PIK3C2G: variants seen among roughly 807,000 people sequenced by gnomAD.
PIK3C2G encodes phosphatidylinositol 3-kinase C2 domain-containing subunit gamma.
A neutral mutation model predicts 181.1 loss-of-function variants in PIK3C2G; 168 were observed. That is an observed-to-expected ratio of 0.93 (90% CI 0.82 to 1.05). The LOEUF (loss-of-function observed/expected upper bound fraction) is 1.05, where lower values mean the gene tolerates loss of function less well. Ranked by LOEUF, PIK3C2G falls within the 50% of genes least tolerant of loss-of-function variation. PIK3C2G has a pLI of 0.00. For synonymous variants in PIK3C2G, 573 were observed against 592.2 expected (o/e 0.97, Z 0.47); for missense variants, 1,869 against 1,732.8 (o/e 1.08, Z -1.40).
intron 1 of PIK3C2G, among the ~76,000 whole-genome samples, chr12:18,266,010 A>T (rs974783360): frequency 1.1e-5 from 1 of 90,656 alleles, no homozygotes; most frequent in African/African-American, 4.2e-5. Context: ...GCGAGACTTC[A>T]TCTAAAAAAA....
intron 14 of PIK3C2G, among the ~76,000 whole-genome samples, chr12:18,385,441 G>C (rs1197243784): frequency 6.6e-6 from 1 of 152,142 alleles, no homozygotes; most frequent in Non-Finnish European, 1.5e-5. Flanking sequence ...CACTTAGCCT[G>C]GGTCTCCTTC....
chr12:18,554,797 T>C (rs1002972603), intron 26 of PIK3C2G, among the ~76,000 whole-genome samples: 2 of 152,118 alleles, frequency 1.3e-5, no homozygotes, highest in Admixed American at 6.6e-5. Flanking sequence ...CTACTGATTT[T>C]CTTTATGCGA....
chr12:18,447,779 TA>T (rs1947109642), intron 18 of PIK3C2G, among the ~76,000 whole-genome samples: 1 of 152,164 alleles, frequency 6.6e-6, no homozygotes, highest in African/African-American at 2.4e-5. Flanking sequence ...TTTAAAAGTA[TA>T]AAGGTGCAAC....
intron 29 of PIK3C2G, among the ~76,000 whole-genome samples, chr12:18,587,314 T>C (rs1235585889): frequency 6.6e-6 from 1 of 152,092 alleles, no homozygotes; most frequent in African/African-American, 2.4e-5. Flanking sequence ...AACCCCATTG[T>C]CTCAGCCCAA....
the PIK3C2G span, chr12:18,701,688 T>C: frequency 6.3e-7 from 1 of 1,598,400 alleles, no homozygotes; most frequent in Non-Finnish European, 8.6e-7. Context: ...TTCCTCCACC[T>C]TACCACGCTT....
chr12:18,335,627 A>G (rs1440957998), intron 8 of PIK3C2G, among the ~76,000 whole-genome samples: 1 of 152,150 alleles, frequency 6.6e-6, no homozygotes, highest in African/African-American at 2.4e-5. Flanking sequence ...TGTTTCTGCC[A>G]TAATGAATAG....
At chr12:18,281,858 A>G (rs1366806810) in intron 1 of PIK3C2G, 146 bp from the exon 2 acceptor site, 2 of 475,046 alleles carry the variant, frequency 4.2e-6, no homozygotes, top group African/African-American at 4.0e-5. Context: ...AAGCCCTGAT[A>G]GAGTTTTATA....
At chr12:18,286,524 G>T (rs1383835715) in intron 2 of PIK3C2G, among the ~76,000 whole-genome samples, 2 of 151,990 alleles carry the variant, frequency 1.3e-5, no homozygotes, top group Non-Finnish European at 2.9e-5. Flanking sequence ...TATTTATGGT[G>T]ATATAAATCT....
At chr12:18,386,024 A>T (rs556750206) in intron 14 of PIK3C2G, among the ~76,000 whole-genome samples, 1 of 151,696 alleles carries the variant, frequency 6.6e-6, no homozygotes, top group South Asian at 2.1e-4. Context: ...CTTCCCCATA[A>T]CTGAACTCCC....
At chr12:18,459,267 A>C (rs1453913415) in intron 18 of PIK3C2G, among the ~76,000 whole-genome samples, 1 of 152,210 alleles carries the variant, frequency 6.6e-6, no homozygotes, top group Non-Finnish European at 1.5e-5. Flanking sequence ...AAATAATTGC[A>C]TATAGAAGAG....
At chr12:18,688,855 T>C in the PIK3C2G span, among the ~76,000 whole-genome samples, 3 of 151,996 alleles carry the variant, frequency 2.0e-5, no homozygotes, top group East Asian at 5.8e-4. Flanking sequence ...AGATAGAAGA[T>C]ATAAGCCTAA....
intron 31 of PIK3C2G, among the ~76,000 whole-genome samples, chr12:18,629,837 A>G (rs557749538): frequency 6.6e-6 from 1 of 152,306 alleles, no homozygotes; most frequent in African/African-American, 2.4e-5. Flanking sequence ...TTACCCTATG[A>G]TAGACATTTT....
the PIK3C2G span, among the ~76,000 whole-genome samples, chr12:18,685,259 CCAAGCAACCAATTTCTGCCAAG>C: frequency 1.3e-5 from 2 of 151,890 alleles, no homozygotes; most frequent in Non-Finnish European, 2.9e-5. Context: ...ATAAATCATC[CCAAGCAACCAATTTCTGCCAAG>C]CAAGAAATCC....
chr12:18,561,250 A>C, intron 26 of PIK3C2G, among the ~76,000 whole-genome samples: 1 of 152,238 alleles, frequency 6.6e-6, no homozygotes, highest in East Asian at 1.9e-4. Flanking sequence ...TACATACTAT[A>C]TGATAGAGTT....
At chr12:18,713,773 G>A in the PIK3C2G span, 2 of 152,164 alleles carry the variant, frequency 1.3e-5, no homozygotes, top group African/African-American at 4.8e-5. Flanking sequence ...CAAAACTGAG[G>A]AAACTATATT....
At chr12:18,267,745 T>C (rs1948565517) in intron 1 of PIK3C2G, among the ~76,000 whole-genome samples, 1 of 152,224 alleles carries the variant, frequency 6.6e-6, no homozygotes, top group African/African-American at 2.4e-5. Context: ...CAATTGACTA[T>C]TTTGAGAAGG....
At chr12:18,246,530 G>A (rs12305290), upstream of PIK3C2G, among the ~76,000 whole-genome samples, 21,094 of 151,632 alleles carry the variant, frequency 0.14, 1,562 homozygotes, top group Middle Eastern at 0.19. Flanking sequence ...TTAGATTCCC[G>A]GATTTATAAT....
rs529284079 is a variant in PIK3C2G at position 18,623,251 on chromosome 12, C to A, written c.4182+13622C>A. Among the ~76,000 whole-genome samples, 55 of 151,780 alleles carry A rather than the reference C, an allele frequency of 3.6e-4. No individual in the cohort carries two copies. The South Asian group carries it at 0.011, about 29-fold the overall frequency. On this transcript the variant is annotated intron_variant, in intron 31 of 32. Transcript: ENST00000538779. ...TGTGAGATAAGGGTTCAATTTTATT[C>A]TTTTGCATATGAATACCCAATTTTT...
At chr12:18,587,576 A>T (rs1040466504) in intron 29 of PIK3C2G, among the ~76,000 whole-genome samples, 1 of 152,162 alleles carries the variant, frequency 6.6e-6, no homozygotes, top group Non-Finnish European at 1.5e-5. Context: ...ATGGAAAAAC[A>T]TTCCATGCTC....
Sources: gnomAD v4.1 joint callset for allele counts (sites outside exome capture counted in the v4.1 genomes callset) on GRCh38, gnomAD v4.1.1 for gene constraint, MANE v1.5 for transcripts, NCBI Gene and HGNC (gene_info 2026-07-23, HGNC 2026-07-21) for gene names.